The following SPTLC2 variants were observed in gnomAD, a reference collection of about 807,000 sequenced individuals.
SPTLC2 encodes serine palmitoyltransferase 2.
In SPTLC2, 21 loss-of-function variants were observed where a neutral mutation model predicts 62.0. The ratio of observed to expected loss-of-function variants is 0.34; its 90% CI spans 0.24 to 0.49. The LOEUF (loss-of-function observed/expected upper bound fraction) is 0.49. Ranked by LOEUF, SPTLC2 falls within the 20% of genes least tolerant of loss-of-function variation. SPTLC2 has a pLI of 0.99. For synonymous variants in SPTLC2, 261 were observed against 261.8 expected, an observed-to-expected ratio of 1.00 and a Z score of 0.03; for missense variants, 511 against 713.0, an observed-to-expected ratio of 0.72 and a Z score of 3.23.
At chr14:77,598,615 G>A (rs1252420693) in intron 1 of SPTLC2, among the ~76,000 whole-genome samples, 1 of 152,142 alleles carries the variant, frequency 6.6e-6, no homozygotes, top group Non-Finnish European at 1.5e-5. Context: ...AGTAAATCAT[G>A]CAAAAAACTA....
chr14:77,578,998 C>T lies in SPTLC2; in HGVS notation c.439G>A (p.Asp147Asn). 1 of 1,614,094 alleles carries T rather than the reference C, an allele frequency of 6.2e-7. No homozygotes were observed. The highest frequency in any genetic ancestry group is 1.1e-5 in the South Asian group (1 of 91,076). ...PICSVPGARV[D>N]IMERQSHDYN... The stretch of plus-strand genomic sequence containing the variant: ...TCATGAGACTGTCTCTCCATGATGT[C>T]CACCCTGGCTCCAGGCACACTACAG... The change falls in exon 3 of 12, where the codon GAC (aspartate) becomes AAC (asparagine). Residue 147 changes from aspartate (D) to asparagine (N), a missense_variant. Transcript: ENST00000216484.
rs2079332651 is a variant in SPTLC2, at chr14:77,511,642, T to G, written c.*642A>C. The G allele has an allele frequency of 6.4e-6, 1 of 155,888 alleles. No homozygotes were observed. The highest frequency in any genetic ancestry group is 1.4e-5 in the Non-Finnish European group (1 of 70,274). The allele number at this position is 155,888 out of a possible 1,614,324, so 9.7% of individuals were successfully genotyped here. On this transcript the variant is annotated 3_prime_UTR_variant, in exon 12 of 12. Transcript: ENST00000216484. ...AAGTATTTGATGGTAAAGGAAGAAA[T>G]CATCTGGTGACCAGAAGAAAATGGA... is the stretch of plus-strand genomic sequence containing the variant.
chr14:77,556,579 G>A (rs2079585021), intron 7 of SPTLC2, among the ~76,000 whole-genome samples: 2 of 152,070 alleles, frequency 1.3e-5, no homozygotes, highest in Admixed American at 6.6e-5. Flanking sequence ...TTTTTACAGA[G>A]ACAGGGTCTC....
intron 1 of SPTLC2, among the ~76,000 whole-genome samples, chr14:77,615,050 C>T (rs1002265592): frequency 2.6e-5 from 4 of 152,140 alleles, no homozygotes; most frequent in East Asian, 1.9e-4. Context: ...CTAACTCCTA[C>T]CCGTTAAATT....
intron 7 of SPTLC2, among the ~76,000 whole-genome samples, chr14:77,556,300 G>T (rs970184484): frequency 6.6e-6 from 1 of 150,490 alleles, no homozygotes. Context: ...GTGACACAGC[G>T]AGATTCCATC....
intron 1 of SPTLC2, among the ~76,000 whole-genome samples, chr14:77,604,450 C>G (rs1450672846): frequency 6.6e-6 from 1 of 152,150 alleles, no homozygotes; most frequent in Non-Finnish European, 1.5e-5. Context: ...TTGCTCTCAA[C>G]TAAAACAGTT....
At chr14:77,514,061 T>G (rs2079347120) in intron 11 of SPTLC2, among the ~76,000 whole-genome samples, 1 of 151,748 alleles carries the variant, frequency 6.6e-6, no homozygotes, top group Non-Finnish European at 1.5e-5. Context: ...TTGGCAGGCA[T>G]AGTCCCAGCT....
intron 2 of SPTLC2, among the ~76,000 whole-genome samples, chr14:77,580,577 G>T (rs1262128074): frequency 7.2e-6 from 1 of 139,292 alleles, no homozygotes; most frequent in Non-Finnish European, 1.6e-5. Context: ...AAAAAAAGAG[G>T]CCAGGTACAA....
In SPTLC2 at chr14:77,571,830, G is replaced by A. The variant is rs147650146; in HGVS notation, c.632-1322C>T. Among the ~76,000 whole-genome samples the A allele has an allele frequency of 4.2e-3, 644 of 152,104 alleles. 5 individuals carry two copies. The highest frequency in any genetic ancestry group is 0.013 in the African/African-American group (560 of 41,522). On this transcript the variant is annotated intron_variant, in intron 4 of 11. Transcript: ENST00000216484. ...TTGAGAGAGAGAGTCTCGCACTGTC[G>A]CCCAGGCTGGAGTGCAGTGGCGCAA... is the stretch of plus-strand genomic sequence containing the variant.
intron 9 of SPTLC2, among the ~76,000 whole-genome samples, chr14:77,525,980 A>G (rs1481528569): frequency 6.6e-6 from 1 of 152,220 alleles, no homozygotes; most frequent in Non-Finnish European, 1.5e-5. Context: ...GAACCATCAA[A>G]CTGCCAACAT....
At chr14:77,551,390 C>CAAAAAAAAAA (rs11347331) in intron 9 of SPTLC2, among the ~76,000 whole-genome samples, 3 of 61,192 alleles carry the variant, frequency 4.9e-5, no homozygotes, top group Admixed American at 2.5e-4. Flanking sequence ...GACTCCGTCT[C>CAAAAAAAAAA]AAAAAAAAAA....
intron 2 of SPTLC2, among the ~76,000 whole-genome samples, chr14:77,592,295 T>C (rs528517774): frequency 2.0e-4 from 30 of 151,936 alleles, no homozygotes; most frequent in Non-Finnish European, 4.3e-4. Context: ...CCACCACGCC[T>C]GGCTAATTTT....
At chr14:77,525,135 T>A (rs1002768804) in intron 9 of SPTLC2, among the ~76,000 whole-genome samples, 6 of 151,994 alleles carry the variant, frequency 3.9e-5, no homozygotes, top group African/African-American at 4.8e-5. Context: ...TATCAATTTT[T>A]AAAAAAAGGA....
At chr14:77,589,737 C>CG (rs2079804697) in intron 2 of SPTLC2, among the ~76,000 whole-genome samples, 1 of 151,620 alleles carries the variant, frequency 6.6e-6, no homozygotes, top group African/African-American at 2.4e-5. Context: ...TTGCAGTAAG[C>CG]CAAGATTGCG....
chr14:77,525,780 G>A (rs1241279780), intron 9 of SPTLC2, among the ~76,000 whole-genome samples: 1 of 152,158 alleles, frequency 6.6e-6, no homozygotes, highest in Non-Finnish European at 1.5e-5. Context: ...CGGGCGTGGT[G>A]GTGGGCGCCT....
intron 2 of SPTLC2, among the ~76,000 whole-genome samples, chr14:77,589,321 T>C (rs920338851): frequency 6.6e-6 from 1 of 152,020 alleles, no homozygotes; most frequent in Admixed American, 6.6e-5. Flanking sequence ...CAGAATGAGA[T>C]TTCAAGATAA....
chr14:77,571,077 A>G (rs1349634511), intron 4 of SPTLC2, among the ~76,000 whole-genome samples: 2 of 152,154 alleles, frequency 1.3e-5, no homozygotes, highest in African/African-American at 2.4e-5. Flanking sequence ...ACACAGTCAT[A>G]ATTGCCTATC....
At chr14:77,566,272 G>A (rs2079644562) in intron 5 of SPTLC2, among the ~76,000 whole-genome samples, 1 of 151,912 alleles carries the variant, frequency 6.6e-6, no homozygotes, top group Non-Finnish European at 1.5e-5. Flanking sequence ...TAAATCTTTG[G>A]TTCAAAAATA....
intron 9 of SPTLC2, among the ~76,000 whole-genome samples, chr14:77,540,475 T>A (rs188187110): frequency 6.6e-6 from 1 of 152,324 alleles, no homozygotes; most frequent in African/African-American, 2.4e-5. Flanking sequence ...TTTTATTTTT[T>A]AATTTTTTAA....
Sources: allele counts gnomAD v4.1 joint callset (sites outside exome capture counted in the v4.1 genomes callset), GRCh38; gene constraint gnomAD v4.1.1; transcripts MANE v1.5; gene names NCBI Gene and HGNC (gene_info 2026-07-23, HGNC 2026-07-21).